CHCHD3: variants seen among roughly 807,000 people sequenced by gnomAD.
CHCHD3 encodes the protein coiled-coil-helix-coiled-coil-helix domain containing 3, also known as MICOS complex subunit MIC19.
A neutral mutation model predicts 38.2 loss-of-function variants in CHCHD3; 20 were observed. That is an observed-to-expected ratio of 0.52 (90% confidence interval 0.37 to 0.76). The LOEUF is 0.76. CHCHD3 is among the 30% of genes least tolerant of loss of function. CHCHD3 has a pLI of 0.00. For missense variants in CHCHD3, 245 were observed against 279.2 expected (o/e 0.88, Z 0.87); for synonymous variants, 82 against 100.0 (o/e 0.82, Z 1.07).
At chr7:132,950,490 T>C (rs188064021) in intron 4 of CHCHD3, among the ~76,000 whole-genome samples, 3 of 152,258 alleles carry the variant, frequency 2.0e-5, no homozygotes, top group African/African-American at 7.2e-5. Context: ...TTACAAAACA[T>C]TTGTCATCTT....
intron 4 of CHCHD3, among the ~76,000 whole-genome samples, chr7:132,972,292 G>T (rs543679854): frequency 3.3e-5 from 5 of 152,208 alleles, no homozygotes; most frequent in Non-Finnish European, 7.3e-5. Context: ...TTACCACATG[G>T]CCTAAATGTT....
At chr7:133,056,680 G>C (rs1377636851) in intron 2 of CHCHD3, among the ~76,000 whole-genome samples, 1 of 152,180 alleles carries the variant, frequency 6.6e-6, no homozygotes, top group Non-Finnish European at 1.5e-5. Flanking sequence ...AGTCAATGTG[G>C]AACAGGTAAA....
At chr7:132,869,231 A>C (rs1808706455) in intron 5 of CHCHD3, among the ~76,000 whole-genome samples, 1 of 152,124 alleles carries the variant, frequency 6.6e-6, no homozygotes, top group African/African-American at 2.4e-5. Flanking sequence ...TAACACTGCC[A>C]TCCCCAAATG....
At chr7:132,975,799 T>C (rs748746837) in intron 3 of CHCHD3, among the ~76,000 whole-genome samples, 4 of 151,990 alleles carry the variant, frequency 2.6e-5, no homozygotes, top group African/African-American at 4.8e-5. Context: ...GGCGTGGTGA[T>C]ACATTCCTGT....
chr7:133,062,984 A>C (rs190283603), intron 2 of CHCHD3, among the ~76,000 whole-genome samples: 1 of 152,292 alleles, frequency 6.6e-6, no homozygotes, highest in Admixed American at 6.5e-5. Flanking sequence ...GATGTAACTC[A>C]CTGATGTTTC....
intron 4 of CHCHD3, among the ~76,000 whole-genome samples, chr7:132,958,661 T>C (rs766331748): frequency 5.3e-5 from 8 of 152,210 alleles, no homozygotes; most frequent in Non-Finnish European, 7.3e-5. Context: ...TGTATTAATA[T>C]AGTCCATCGG....
At chr7:132,830,372 A>C (rs1807616534) in intron 6 of CHCHD3, among the ~76,000 whole-genome samples, 1 of 152,220 alleles carries the variant, frequency 6.6e-6, no homozygotes, top group South Asian at 2.1e-4. Flanking sequence ...AAGGAGCTGC[A>C]TCATCTACAA....
chr7:133,071,385 G>A (rs1311657796), intron 1 of CHCHD3, among the ~76,000 whole-genome samples: 3 of 152,222 alleles, frequency 2.0e-5, no homozygotes, highest in African/African-American at 7.2e-5. Context: ...AAGGTGGGGA[G>A]GGAAGGTAGA....
chr7:132,949,698 C>T (rs1016120870), intron 4 of CHCHD3, among the ~76,000 whole-genome samples: 1 of 151,972 alleles, frequency 6.6e-6, no homozygotes. Context: ...AATATTCAGA[C>T]CCTAAAGTTA....
intron 6 of CHCHD3, among the ~76,000 whole-genome samples, chr7:132,823,059 C>T (rs1253472923): frequency 6.6e-6 from 1 of 152,126 alleles, no homozygotes; most frequent in Admixed American, 6.5e-5. Flanking sequence ...AAAACAAAAT[C>T]TATGTTTATT....
intron 5 of CHCHD3, among the ~76,000 whole-genome samples, chr7:132,839,423 G>A (rs886068583): frequency 6.6e-6 from 1 of 152,076 alleles, no homozygotes; most frequent in African/African-American, 2.4e-5. Context: ...TATCCATACT[G>A]ACTAGCTACA....
intron 3 of CHCHD3, among the ~76,000 whole-genome samples, chr7:133,018,504 C>A (rs1003532209): frequency 6.6e-6 from 1 of 152,100 alleles, no homozygotes; most frequent in Non-Finnish European, 1.5e-5. Context: ...ATCAATAGTA[C>A]TGATTCCCTG....
At chr7:133,049,188 A>G (rs552585435) in intron 2 of CHCHD3, among the ~76,000 whole-genome samples, 5 of 152,350 alleles carry the variant, frequency 3.3e-5, no homozygotes, top group African/African-American at 1.2e-4. Flanking sequence ...TAAATTGCAG[A>G]CATGATGCCT....
At chr7:132,914,888 G>A (rs557860991) in intron 4 of CHCHD3, among the ~76,000 whole-genome samples, 4 of 152,340 alleles carry the variant, frequency 2.6e-5, no homozygotes, top group African/African-American at 4.8e-5. Flanking sequence ...GAGGCTAGGC[G>A]TGGTGGCCCA....
intron 5 of CHCHD3, among the ~76,000 whole-genome samples, chr7:132,878,017 C>A (rs1808957585): frequency 6.6e-6 from 1 of 152,074 alleles, no homozygotes; most frequent in East Asian, 1.9e-4. Context: ...GGGGGAATAT[C>A]AAACGGTTTC....
At chr7:132,976,053 A>G (rs572898567) in intron 3 of CHCHD3, among the ~76,000 whole-genome samples, 5 of 152,328 alleles carry the variant, frequency 3.3e-5, no homozygotes, top group South Asian at 4.1e-4. Context: ...TTGAGGACAC[A>G]GCGATAAACA....
At chr7:133,020,690 G>A (rs1325259472) in intron 3 of CHCHD3, among the ~76,000 whole-genome samples, 5 of 152,166 alleles carry the variant, frequency 3.3e-5, no homozygotes, top group Non-Finnish European at 7.3e-5. Context: ...ATCAAAATTT[G>A]CAGAACTGCT....
chr7:133,006,932 T>C (rs945351530), intron 3 of CHCHD3, among the ~76,000 whole-genome samples: 1 of 152,124 alleles, frequency 6.6e-6, no homozygotes, highest in Admixed American at 6.5e-5. Flanking sequence ...CTCATAAAAA[T>C]AGTAAGGACA....
chr7:133,022,847 G>C (rs1284645652), intron 3 of CHCHD3, among the ~76,000 whole-genome samples: 1 of 75,414 alleles, frequency 1.3e-5, no homozygotes, highest in Non-Finnish European at 2.6e-5. Context: ...GCTGAATAAT[G>C]AAGAAGAAGA....
Sources: gnomAD v4.1 joint callset for allele counts (sites outside exome capture counted in the v4.1 genomes callset) on GRCh38, gnomAD v4.1.1 for gene constraint, MANE v1.5 for transcripts, NCBI Gene and HGNC (gene_info 2026-07-23, HGNC 2026-07-21) for gene names.